RBPJ: variants seen among roughly 807,000 people sequenced by gnomAD.
RBPJ encodes the protein recombining binding protein suppressor of hairless.
A neutral mutation model predicts 67.8 loss-of-function variants in RBPJ; 9 were observed. That is an observed-to-expected ratio of 0.13 (90% CI 0.08 to 0.23). RBPJ has a LOEUF of 0.23. RBPJ is among the 10% of genes least tolerant of loss of function. The pLI, the probability that RBPJ is intolerant of heterozygous loss-of-function variation, is 1.00. For synonymous variants in RBPJ, 198 were observed against 203.3 expected, an observed-to-expected ratio of 0.97 and a Z score of 0.22; for missense variants, 305 against 595.6, an observed-to-expected ratio of 0.51 and a Z score of 5.08.
the RBPJ span, among the ~76,000 whole-genome samples, chr4:26,157,560 T>C: frequency 2.6e-5 from 4 of 152,348 alleles, no homozygotes; most frequent in African/African-American, 9.6e-5. Context: ...CTTTAGGGAA[T>C]ATATATAGAT....
intron 1 of RBPJ, among the ~76,000 whole-genome samples, chr4:26,273,510 C>T: frequency 6.6e-6 from 1 of 152,206 alleles, no homozygotes; most frequent in Non-Finnish European, 1.5e-5. Context: ...CCAGCTCTAG[C>T]TGCCTGGAAG....
At chr4:26,257,418 T>C (rs1260738126) in intron 1 of RBPJ, among the ~76,000 whole-genome samples, 2 of 152,094 alleles carry the variant, frequency 1.3e-5, no homozygotes, top group African/African-American at 4.8e-5. Context: ...TCACCGGAAG[T>C]TGGAAGTTTG....
chr4:26,244,195 G>T (rs1719760207), intron 1 of RBPJ, among the ~76,000 whole-genome samples: 1 of 140,996 alleles, frequency 7.1e-6, no homozygotes, highest in Non-Finnish European at 1.6e-5. Context: ...ATACATATAT[G>T]TGTCTATATA....
intron 2 of RBPJ, among the ~76,000 whole-genome samples, chr4:26,386,846 G>T (rs564840747): frequency 8.5e-5 from 13 of 152,182 alleles, no homozygotes; most frequent in Admixed American, 1.3e-4. Context: ...AATTATGAAT[G>T]TTGAAAGTAT....
At chr4:26,191,214 G>T (rs199893737) in intron 1 of RBPJ, among the ~76,000 whole-genome samples, 96 of 41,096 alleles carry the variant, frequency 2.3e-3, no homozygotes, top group African/African-American at 3.5e-3. Context: ...TATATATAGA[G>T]AGAGAGAGAG....
intron 1 of RBPJ, among the ~76,000 whole-genome samples, chr4:26,363,719 A>C (rs941310393): frequency 2.0e-5 from 3 of 152,174 alleles, no homozygotes; most frequent in Non-Finnish European, 4.4e-5. Context: ...GATTACAGGC[A>C]TGAGCCACCA....
At chr4:26,251,498 G>A (rs1720106673) in intron 1 of RBPJ, among the ~76,000 whole-genome samples, 1 of 151,864 alleles carries the variant, frequency 6.6e-6, no homozygotes, top group African/African-American at 2.4e-5. Flanking sequence ...TAGCCAGTGT[G>A]GTGTTGTGCT....
rs552426830 is a variant in RBPJ, at chr4:26,308,505, T to A, written c.-166-53941T>A. Among the ~76,000 whole-genome samples the A allele has an allele frequency of 3.3e-5, 5 of 152,326 alleles. No individual in the cohort carries two copies. The South Asian group carries it at 1.0e-3, about 32-fold the overall frequency. The stretch of plus-strand genomic sequence containing the variant: ...ATAATGACAATAACATTTTAAAAAA[T>A]TAATTAGAATAAAAATTGTTAACCT... On this transcript the variant is annotated intron_variant, in intron 1 of 4. Transcript: ENST00000512351.
chr4:26,165,694 T>C (rs1394520474), intron 1 of RBPJ, among the ~76,000 whole-genome samples: 2 of 142,070 alleles, frequency 1.4e-5, no homozygotes, highest in Non-Finnish European at 3.2e-5. Context: ...AAAAAACATA[T>C]ATTTTTTCAT....
At chr4:26,154,476 C>T in the RBPJ span, among the ~76,000 whole-genome samples, 1 of 152,156 alleles carries the variant, frequency 6.6e-6, no homozygotes, top group East Asian at 1.9e-4. Context: ...TGCTCTTGCC[C>T]TTTGCTCCTA....
At chr4:26,275,889 G>C (rs1349190139) in intron 1 of RBPJ, among the ~76,000 whole-genome samples, 1 of 151,284 alleles carries the variant, frequency 6.6e-6, no homozygotes, top group Non-Finnish European at 1.5e-5. Flanking sequence ...GCCTCCCAAA[G>C]TGCTGGGATT....
intron 1 of RBPJ, among the ~76,000 whole-genome samples, chr4:26,260,257 T>C (rs892838782): frequency 7.2e-5 from 11 of 152,230 alleles, no homozygotes; most frequent in African/African-American, 2.7e-4. Context: ...TACAAATACA[T>C]ATCTTGTTTC....
intron 1 of RBPJ, among the ~76,000 whole-genome samples, chr4:26,353,219 G>C (rs1028725524): frequency 6.6e-6 from 1 of 152,172 alleles, no homozygotes; most frequent in Non-Finnish European, 1.5e-5. Context: ...AGGAAAAATT[G>C]TCTATGAAGT....
rs764983310 is a variant in RBPJ, at chr4:26,429,894, T to C, written c.889-4T>C. On this transcript the variant is annotated splice_polypyrimidine_tract_variant and splice_region_variant and intron_variant, in intron 8 of 10. Coordinates refer to ENST00000355476, the MANE Select transcript of RBPJ (RefSeq NM_015874.6). ...CTTAGTTTCTAAACTTCTTTCTTTA[T>C]TAGGCCACTCCATGTCCAAAAGAAC... is the stretch of plus-strand genomic sequence containing the variant. 6.4e-5 allele frequency: 103 copies of C among 1,611,720 alleles called. No individual in the cohort carries two copies. Among genetic ancestry groups the C allele is most frequent in the Non-Finnish European group, 2.5e-6 (3 of 1,179,538 alleles).
intron 1 of RBPJ, among the ~76,000 whole-genome samples, chr4:26,263,912 TC>T (rs1467739950): frequency 1.3e-5 from 2 of 149,516 alleles, no homozygotes; most frequent in Non-Finnish European, 3.0e-5. Context: ...TCTCGCTCTG[TC>T]CCCCAGGTTG....
intron 1 of RBPJ, among the ~76,000 whole-genome samples, chr4:26,225,965 T>A (rs1377391118): frequency 6.6e-6 from 1 of 151,692 alleles, no homozygotes; most frequent in Non-Finnish European, 1.5e-5. Flanking sequence ...CTTGCCAACA[T>A]GCTGAAACCT....
At chr4:26,427,864 G>T (rs1560348142) in intron 7 of RBPJ, among the ~76,000 whole-genome samples, 1 of 151,930 alleles carries the variant, frequency 6.6e-6, no homozygotes. Context: ...AAAGGAAACA[G>T]AGTAAAAGTT....
chr4:26,228,565 G>A (rs1050321064), intron 1 of RBPJ, among the ~76,000 whole-genome samples: 1 of 152,092 alleles, frequency 6.6e-6, no homozygotes, highest in African/African-American at 2.4e-5. Flanking sequence ...TTCCTGATTT[G>A]CATCTCGTTT....
At chr4:26,340,170 CAG>C (rs1231504016) in intron 1 of RBPJ, among the ~76,000 whole-genome samples, 3 of 152,054 alleles carry the variant, frequency 2.0e-5, no homozygotes, top group Middle Eastern at 3.4e-3. Flanking sequence ...AAAAATAAAA[CAG>C]GGAAAGGGTA....
Sources: gnomAD v4.1 joint callset for allele counts (sites outside exome capture counted in the v4.1 genomes callset) on GRCh38, gnomAD v4.1.1 for gene constraint, MANE v1.5 for transcripts, NCBI Gene and HGNC (gene_info 2026-07-23, HGNC 2026-07-21) for gene names.